Variants in GALNTL6 observed in about 807,000 individuals in gnomAD.
GALNTL6 encodes the protein polypeptide N-acetylgalactosaminyltransferase like 6, also known as polypeptide N-acetylgalactosaminyltransferase-like 6.
A neutral mutation model predicts 73.7 loss-of-function variants in GALNTL6; 46 were observed. The observed-to-expected ratio is 0.62, with a 90% CI of 0.49 to 0.80. GALNTL6 has a LOEUF of 0.80. Ranked by LOEUF, GALNTL6 falls within the 30% of genes least tolerant of loss-of-function variation. GALNTL6 has a pLI of 0.00. For synonymous variants in GALNTL6, 259 were observed against 263.7 expected (o/e 0.98, Z 0.17); for missense variants, 604 against 755.0 (o/e 0.80, Z 2.34).
intron 5 of GALNTL6, among the ~76,000 whole-genome samples, chr4:172,781,409 A>T (rs957946354): frequency 5.9e-5 from 9 of 152,216 alleles, no homozygotes; most frequent in Non-Finnish European, 1.2e-4. Flanking sequence ...AATTAAAAGG[A>T]TATCATATCT....
At chr4:172,198,232 A>G (rs1735837323) in intron 2 of GALNTL6, among the ~76,000 whole-genome samples, 1 of 152,152 alleles carries the variant, frequency 6.6e-6, no homozygotes, top group Non-Finnish European at 1.5e-5. Flanking sequence ...TTGCAGCAAA[A>G]GCAAAAATTG....
intron 5 of GALNTL6, among the ~76,000 whole-genome samples, chr4:172,628,626 G>A (rs1370252402): frequency 6.6e-6 from 1 of 151,888 alleles, no homozygotes; most frequent in East Asian, 1.9e-4. Flanking sequence ...GTGCCCATAG[G>A]TGCTGGCAAG....
At chr4:172,109,013 C>CAAAAAAAAAAAA (rs202017302) in intron 2 of GALNTL6, among the ~76,000 whole-genome samples, 1 of 108,294 alleles carries the variant, frequency 9.2e-6, no homozygotes, top group African/African-American at 3.1e-5. Context: ...ACTCCATCTC[C>CAAAAAAAAAAAA]AAAAAAAAAA....
chr4:172,771,294 C>T (rs1292142360), intron 5 of GALNTL6, among the ~76,000 whole-genome samples: 5 of 152,020 alleles, frequency 3.3e-5, no homozygotes, highest in South Asian at 2.1e-4. Context: ...TTGAGAAGTT[C>T]GGTAATTTGA....
At chr4:172,006,465 A>C (rs1310123356) in intron 2 of GALNTL6, among the ~76,000 whole-genome samples, 1 of 151,946 alleles carries the variant, frequency 6.6e-6, no homozygotes, top group Non-Finnish European at 1.5e-5. Context: ...CTTTCTTTAC[A>C]ATAAAATAGA....
In GALNTL6 at chr4:172,694,296, C is replaced by T. The variant is rs577753262; in HGVS notation, c.554-115065C>T. Among the ~76,000 whole-genome samples the T allele has an allele frequency of 1.2e-4, 19 of 152,134 alleles. No individual in the cohort carries two copies. In the South Asian group the frequency reaches 3.7e-3, roughly 30 times the overall value. On this transcript the variant is annotated intron_variant, in intron 5 of 12. Transcript: ENST00000506823. ...TGTCCTAATGTTCTCCCTCCCCTTG[C>T]CCCCAATACCCCAACAGGCCCCAGT...
chr4:171,843,490 A>C (rs183874619), intron 2 of GALNTL6, among the ~76,000 whole-genome samples: 133 of 152,242 alleles, frequency 8.7e-4, no homozygotes, highest in East Asian at 7.3e-3. Flanking sequence ...CAAAAAAAAA[A>C]CAATTTATTC....
At chr4:172,107,462 C>T (rs1732705965) in intron 2 of GALNTL6, among the ~76,000 whole-genome samples, 1 of 151,754 alleles carries the variant, frequency 6.6e-6, no homozygotes. Flanking sequence ...GCTATTGGTT[C>T]TAATAAGGAG....
At chr4:171,931,736 G>A (rs1738191730) in intron 2 of GALNTL6, among the ~76,000 whole-genome samples, 1 of 152,078 alleles carries the variant, frequency 6.6e-6, no homozygotes, top group South Asian at 2.1e-4. Context: ...GATGAAAATT[G>A]TGCTTTATCC....
At chr4:172,999,359 C>A (rs960168797) in intron 10 of GALNTL6, among the ~76,000 whole-genome samples, 1 of 152,170 alleles carries the variant, frequency 6.6e-6, no homozygotes, top group African/African-American at 2.4e-5. Flanking sequence ...CACACACACA[C>A]ACGAAAAACC....
chr4:172,997,058 A>C (rs536182425), intron 10 of GALNTL6, among the ~76,000 whole-genome samples: 7 of 152,048 alleles, frequency 4.6e-5, no homozygotes, highest in Non-Finnish European at 8.8e-5. Context: ...CCGAGTGTTA[A>C]AGTGATTTTC....
At chr4:172,786,597 C>T (rs2110914649) in intron 5 of GALNTL6, among the ~76,000 whole-genome samples, 1 of 152,268 alleles carries the variant, frequency 6.6e-6, no homozygotes, top group South Asian at 2.1e-4. Context: ...CAAGTTTTCA[C>T]TCTAAAGACA....
intron 3 of GALNTL6, among the ~76,000 whole-genome samples, chr4:172,240,136 A>G (rs751142358): frequency 3.9e-5 from 6 of 152,148 alleles, no homozygotes; most frequent in Admixed American, 1.3e-4. Flanking sequence ...TTCAAGTTGC[A>G]TGCTTTCTCT....
intron 2 of GALNTL6, among the ~76,000 whole-genome samples, chr4:171,956,791 C>A (rs1234936308): frequency 6.6e-6 from 1 of 152,186 alleles, no homozygotes; most frequent in African/African-American, 2.4e-5. Context: ...TTCTGGAATG[C>A]ATCTCTCCTA....
At chr4:172,241,686 T>A (rs1224485849) in intron 3 of GALNTL6, among the ~76,000 whole-genome samples, 1 of 152,222 alleles carries the variant, frequency 6.6e-6, no homozygotes, top group Non-Finnish European at 1.5e-5. Flanking sequence ...AGGCATATGC[T>A]AACATCAGTT....
chr4:172,859,970 G>A (rs1016250211), intron 7 of GALNTL6, among the ~76,000 whole-genome samples: 26 of 152,072 alleles, frequency 1.7e-4, no homozygotes, highest in Admixed American at 8.5e-4. Context: ...ATGGTGAGCC[G>A]TATAATTATT....
intron 2 of GALNTL6, among the ~76,000 whole-genome samples, chr4:172,140,182 A>T (rs1480433167): frequency 6.6e-6 from 1 of 152,056 alleles, no homozygotes; most frequent in Non-Finnish European, 1.5e-5. Flanking sequence ...TTTATGCCCA[A>T]ATATTTCCAT....
At chr4:172,874,559 G>A (rs1295158855) in intron 7 of GALNTL6, among the ~76,000 whole-genome samples, 1 of 152,188 alleles carries the variant, frequency 6.6e-6, no homozygotes, top group African/African-American at 2.4e-5. Flanking sequence ...GAGAAGTTGG[G>A]TACCTTTGCT....
At chr4:172,081,248 G>C (rs1303900164) in intron 2 of GALNTL6, among the ~76,000 whole-genome samples, 1 of 152,198 alleles carries the variant, frequency 6.6e-6, no homozygotes, top group African/African-American at 2.4e-5. Flanking sequence ...CTGAGAAACA[G>C]GAAGCTGCAT....
Sources: allele counts gnomAD v4.1 joint callset (sites outside exome capture counted in the v4.1 genomes callset), GRCh38; gene constraint gnomAD v4.1.1; transcripts MANE v1.5; gene names NCBI Gene and HGNC (gene_info 2026-07-23, HGNC 2026-07-21).